The following VPS53 variants were observed in gnomAD, a reference collection of about 807,000 sequenced individuals.
VPS53 encodes vacuolar protein sorting-associated protein 53 homolog.
A neutral mutation model predicts 107.0 loss-of-function variants in VPS53; 70 were observed. That is an observed-to-expected ratio of 0.65 (90% CI 0.54 to 0.80). The LOEUF (loss-of-function observed/expected upper bound fraction) is 0.80, where lower values mean the gene tolerates loss of function less well. Ranked by LOEUF, VPS53 falls within the 30% of genes least tolerant of loss-of-function variation. The pLI, the probability that VPS53 is intolerant of heterozygous loss-of-function variation, is 0.00. For missense variants in VPS53, 917 were observed against 1,049.4 expected, an observed-to-expected ratio of 0.87 and a Z score of 1.74; for synonymous variants, 409 against 393.3, an observed-to-expected ratio of 1.04 and a Z score of -0.47.
chr17:602,836 ATGT>A (rs1968388603), intron 11 of VPS53, among the ~76,000 whole-genome samples: 2 of 152,166 alleles, frequency 1.3e-5, no homozygotes, highest in South Asian at 4.1e-4. Flanking sequence ...TCACCTAGAG[ATGT>A]TGTTTATGCC....
intron 13 of VPS53, among the ~76,000 whole-genome samples, chr17:563,670 A>G (rs945428683): frequency 1.1e-4 from 17 of 152,198 alleles, no homozygotes; most frequent in African/African-American, 3.6e-4. Context: ...TAAGTACAGA[A>G]AAGTTGAGTA....
At position 678,476 on chromosome 17, in the gene VPS53, A is replaced by AT. The variant is rs987457454; in HGVS notation, c.286-16582dup. Among the ~76,000 whole-genome samples, 11 of 150,938 alleles carry AT rather than the reference A, an allele frequency of 7.3e-5. No individual in the cohort carries two copies. In the East Asian group the frequency reaches 7.9e-4, roughly 11 times the overall value. ...ATAAAAACAATAAAAATTCTTTTTT[A>AT]TTTTTTTTGATACAGAGTCTCGCTC... On this transcript the variant is annotated intron_variant, in intron 4 of 21. Transcript: ENST00000437048.
rs1458618701 is a variant in VPS53, at chr17:630,029, C to G, written c.687+1521G>C. The stretch of plus-strand genomic sequence containing the variant: ...AAATGAGTGGCTGGGCATGGTGGCT[C>G]ATGCCTGTAATCCCAGCACTTTGGG... On this transcript the variant is annotated intron_variant, in intron 8 of 21. Coordinates refer to ENST00000437048, the MANE Select transcript of VPS53 (RefSeq NM_001128159.3). Among the ~76,000 whole-genome samples the G allele has an allele frequency of 3.9e-5, 6 of 152,254 alleles. No individual in the cohort carries two copies. The East Asian group carries it at 1.2e-3, about 29-fold the overall frequency.
At chr17:523,043 T>G (rs1473836053) in intron 19 of VPS53, 1 of 152,124 alleles carries the variant, frequency 6.6e-6, no homozygotes, top group Non-Finnish European at 1.5e-5. Context: ...GGAATTCCAT[T>G]TCCGGTTGCC....
chr17:654,352 G>A (rs1295632368), intron 6 of VPS53, among the ~76,000 whole-genome samples: 1 of 152,184 alleles, frequency 6.6e-6, no homozygotes, highest in East Asian at 1.9e-4. Flanking sequence ...TACACACAGG[G>A]AGGAAATATA....
intron 2 of VPS53, among the ~76,000 whole-genome samples, chr17:706,732 T>C (rs772067388): frequency 6.6e-6 from 1 of 152,150 alleles, no homozygotes; most frequent in Non-Finnish European, 1.5e-5. Context: ...AATAAACGAA[T>C]GAGTGAATTT....
chr17:525,655 T>C (rs1283042517), intron 19 of VPS53, among the ~76,000 whole-genome samples: 1 of 151,130 alleles, frequency 6.6e-6, no homozygotes, highest in Non-Finnish European at 1.5e-5. Flanking sequence ...GATGGCACCA[T>C]TGCACCCCAG....
intron 17 of VPS53, among the ~76,000 whole-genome samples, chr17:542,204 T>G (rs1324157530): frequency 6.6e-6 from 1 of 152,142 alleles, no homozygotes; most frequent in Non-Finnish European, 1.5e-5. Context: ...AATCATGTAG[T>G]GAAAGAGGTA....
chr17:707,239 G>A (rs1458965899), intron 2 of VPS53, among the ~76,000 whole-genome samples: 2 of 151,960 alleles, frequency 1.3e-5, no homozygotes, highest in Admixed American at 1.3e-4. Flanking sequence ...TCAGCTCTGT[G>A]GGTCGGGCGC....
At chr17:660,812 G>A (rs558246201) in intron 5 of VPS53, among the ~76,000 whole-genome samples, 1 of 152,280 alleles carries the variant, frequency 6.6e-6, no homozygotes, top group Non-Finnish European at 1.5e-5. Flanking sequence ...AACCCTGTGA[G>A]GCAAATGCCA....
chr17:681,280 G>A (rs573254333), intron 4 of VPS53, among the ~76,000 whole-genome samples: 6 of 152,280 alleles, frequency 3.9e-5, no homozygotes, highest in African/African-American at 1.2e-4. Flanking sequence ...GGGCCTACAG[G>A]TGCATGCCAC....
intron 6 of VPS53, among the ~76,000 whole-genome samples, chr17:653,813 C>A (rs73281350): frequency 0.036 from 5,513 of 152,184 alleles, 136 homozygotes; most frequent in East Asian, 0.069. Flanking sequence ...GACAGAGAAC[C>A]GGGGTAGGGA....
intron 7 of VPS53, among the ~76,000 whole-genome samples, chr17:651,415 C>A (rs1323193710): frequency 6.6e-6 from 1 of 152,214 alleles, no homozygotes; most frequent in Non-Finnish European, 1.5e-5. Context: ...CAGAGTGAGA[C>A]CCTGTCTCTA....
chr17:533,306 G>C (rs531708536), intron 18 of VPS53, among the ~76,000 whole-genome samples: 3 of 152,268 alleles, frequency 2.0e-5, no homozygotes, highest in South Asian at 4.1e-4. Context: ...GCAGGATTTC[G>C]TTATGCTGCC....
chr17:638,076 T>C (rs1216856557), intron 7 of VPS53, among the ~76,000 whole-genome samples: 6 of 152,366 alleles, frequency 3.9e-5, no homozygotes, highest in Non-Finnish European at 5.9e-5. Flanking sequence ...TTCTAAGGAC[T>C]TGCTTTATGA....
At chr17:592,298 T>C (rs1967707077) in intron 12 of VPS53, among the ~76,000 whole-genome samples, 1 of 152,200 alleles carries the variant, frequency 6.6e-6, no homozygotes, top group Non-Finnish European at 1.5e-5. Context: ...GCCCGTGAGA[T>C]GGGTTTCCTG....
intron 9 of VPS53, 37 bp downstream of exon 9, chr17:628,051 C>A: frequency 1.3e-6 from 2 of 1,581,750 alleles, no homozygotes; most frequent in South Asian, 2.3e-5. Flanking sequence ...CAATAAAATT[C>A]AAATGTTACA....
intron 19 of VPS53, among the ~76,000 whole-genome samples, chr17:527,511 A>AG (rs1205006873): frequency 6.6e-6 from 1 of 152,204 alleles, no homozygotes; most frequent in African/African-American, 2.4e-5. Flanking sequence ...CTAACTGCCT[A>AG]GGAGTTTTCC....
intron 4 of VPS53, among the ~76,000 whole-genome samples, chr17:666,539 C>G (rs1199047896): frequency 3.3e-5 from 5 of 152,168 alleles, no homozygotes; most frequent in Non-Finnish European, 7.4e-5. Context: ...TGGCAGGCGC[C>G]TGTAATCCCA....
Sources: allele counts gnomAD v4.1 joint callset (sites outside exome capture counted in the v4.1 genomes callset), GRCh38; gene constraint gnomAD v4.1.1; transcripts MANE v1.5; gene names NCBI Gene and HGNC (gene_info 2026-07-23, HGNC 2026-07-21).